The following EPS8 variants were observed in gnomAD, a reference collection of about 807,000 sequenced individuals.
EPS8 encodes the protein epidermal growth factor receptor kinase substrate 8.
A neutral mutation model predicts 103.8 loss-of-function variants in EPS8; 42 were observed. That is an observed-to-expected ratio of 0.40 (90% CI 0.32 to 0.52). The LOEUF (loss-of-function observed/expected upper bound fraction) is 0.52, where lower values mean the gene tolerates loss of function less well. EPS8 is among the 20% of genes least tolerant of loss of function. EPS8 has a pLI of 0.40. For missense variants in EPS8, 969 were observed against 1,005.1 expected (o/e 0.96, Z 0.49); for synonymous variants, 344 against 344.6 (o/e 1.00, Z 0.02).
rs1947300586 is a variant in EPS8, at chr12:15,785,293, T to G, written c.-22+3868A>C. Among the ~76,000 whole-genome samples the G allele has an allele frequency of 6.6e-6, 1 of 152,080 alleles. No homozygotes were observed. The highest frequency in any genetic ancestry group is 6.6e-5 in the Admixed American group (1 of 15,258). On this transcript the variant is annotated intron_variant, in intron 1 of 20. Coordinates refer to ENST00000281172, the MANE Select transcript of EPS8 (RefSeq NM_004447.6). The surrounding 1 kb of genome is among the most constrained non-coding windows in gnomAD (Gnocchi z 4.9). The stretch of plus-strand genomic sequence containing the variant: ...GTGAGACTAAAAGCAAAAGGAATAG[T>G]ACATAAACACTGTACTCTTGATGCT...
chr12:15,712,389 T>C (rs549259392), intron 1 of EPS8, among the ~76,000 whole-genome samples: 4 of 152,326 alleles, frequency 2.6e-5, no homozygotes, highest in African/African-American at 7.2e-5. Flanking sequence ...CAAATTTTCA[T>C]AGTACAACTA....
At position 15,654,309 on chromosome 12, in the gene EPS8, A is replaced by AT. The variant is rs748847045; in HGVS notation, c.1102-17dup. The stretch of plus-strand genomic sequence containing the variant: ...CCTGCACCACCTAAGATAATAAACC[A>AT]TTTTTTAGCAAGAAGATTACTATTC... On this transcript the variant is annotated splice_polypyrimidine_tract_variant and intron_variant, in intron 12 of 20. Coordinates refer to ENST00000281172, the MANE Select transcript of EPS8 (RefSeq NM_004447.6). 2.5e-6 allele frequency: 4 copies of AT among 1,609,122 alleles called. No homozygotes were observed. Among genetic ancestry groups the AT allele is most frequent in the South Asian group, 1.1e-5 (1 of 90,276 alleles).
At chr12:15,774,257 T>C (rs1947184355) in intron 1 of EPS8, among the ~76,000 whole-genome samples, 1 of 151,958 alleles carries the variant, frequency 6.6e-6, no homozygotes, top group African/African-American at 2.4e-5. Flanking sequence ...GGTGCCTGTA[T>C]GCTACACCTC....
At position 15,669,732 on chromosome 12, in the gene EPS8, C is replaced by T; in HGVS notation, c.298G>A (p.Val100Met). Reference protein sequence around the residue: ...KLKLLDAKGKVWTQDMILQVD... With the variant: ...KLKLLDAKGKMWTQDMILQVD... ...TGAAGAATCATATCTTGAGTCCACA[C>T]TTTGCCCTTGGCATCAAGCAATTTC... Residue 100 changes from valine to methionine, a missense_variant, in exon 5 of 21, where the codon GTG becomes ATG. By Grantham distance (21) the Val-to-Met change is conservative. Transcript: ENST00000281172. 1 of 1,613,856 alleles carries T rather than the reference C, an allele frequency of 6.2e-7. No homozygotes were observed. The highest frequency in any genetic ancestry group is 1.1e-5 in the South Asian group (1 of 91,022).
chr12:15,713,693 T>C lies in EPS8; in HGVS notation c.-21-30721A>G, dbSNP rs1321278475. Reference sequence around the variant, plus strand: ...GGCCCTGGGCACACGAGGTATAAAGTTGGTACTGAGATTCTTCCAGAAAAC... The same window carrying C: ...GGCCCTGGGCACACGAGGTATAAAGCTGGTACTGAGATTCTTCCAGAAAAC... On this transcript the variant is annotated intron_variant, in intron 1 of 20. Coordinates refer to ENST00000281172, the MANE Select transcript of EPS8 (RefSeq NM_004447.6). The surrounding 1 kb of genome is among the most constrained non-coding windows in gnomAD (Gnocchi z 4.8). Among the ~76,000 whole-genome samples, 1 of 152,156 alleles carries C rather than the reference T, an allele frequency of 6.6e-6. No individual in the cohort carries two copies. Among genetic ancestry groups the C allele is most frequent in the Non-Finnish European group, 1.5e-5 (1 of 68,020 alleles).
chr12:15,665,630 CA>C, intron 8 of EPS8, 125 bp downstream of exon 8: 1 of 1,188,654 alleles, frequency 8.4e-7, no homozygotes, highest in Non-Finnish European at 1.2e-6. Flanking sequence ...TGCGCCCGGC[CA>C]GAGTTGATTT....
chr12:15,737,717 T>C (rs879303706), intron 1 of EPS8, among the ~76,000 whole-genome samples: 1 of 152,162 alleles, frequency 6.6e-6, no homozygotes, highest in Non-Finnish European at 1.5e-5. Context: ...TATACCCAAA[T>C]ATTAAAAACT....
rs188677194 is a variant in EPS8 at position 15,677,413 on chromosome 12, C to T, written c.136+3813G>A. On this transcript the variant is annotated intron_variant, in intron 3 of 20. Coordinates refer to ENST00000281172, the MANE Select transcript of EPS8 (RefSeq NM_004447.6). ...CAGGAGGCCCACTATAGTGTCAGAC[C>T]TGAAAAGTGTTCTCATGAAAAACTC... Among the ~76,000 whole-genome samples the T allele has an allele frequency of 2.1e-4, 32 of 152,226 alleles. No individual in the cohort carries two copies. The East Asian group carries it at 5.8e-3, about 28-fold the overall frequency.
chr12:15,773,482 T>C (rs1317090850), intron 1 of EPS8, among the ~76,000 whole-genome samples: 2 of 151,690 alleles, frequency 1.3e-5, no homozygotes, highest in Middle Eastern at 3.4e-3. Context: ...TAAAGGGAGA[T>C]AGATACATGA....
intron 3 of EPS8, among the ~76,000 whole-genome samples, chr12:15,676,857 G>C (rs145174175): frequency 6.6e-6 from 1 of 152,192 alleles, no homozygotes; most frequent in African/African-American, 2.4e-5. Flanking sequence ...TTTAAAAATG[G>C]CAAAATCAAG....
intron 1 of EPS8, among the ~76,000 whole-genome samples, chr12:15,724,188 A>G (rs1435699105): frequency 6.6e-6 from 1 of 152,202 alleles, no homozygotes; most frequent in African/African-American, 2.4e-5. Context: ...TATAAGGTAT[A>G]TGTAAAATAT....
Position 15,774,425 on chromosome 12 carries a change from T to C in EPS8, c.-22+14736A>G, listed in dbSNP as rs1947186280. On this transcript the variant is annotated intron_variant, in intron 1 of 20. Transcript: ENST00000281172. ...AGGTAGACAGAACTTGGAAAATTAT[T>C]AGATCACAAGGTTGCCACAGGGACG... Among the ~76,000 whole-genome samples, 8 of 151,054 alleles carry C rather than the reference T, an allele frequency of 5.3e-5. No individual in the cohort carries two copies. In the South Asian group the frequency reaches 1.7e-3, roughly 32 times the overall value.
intron 1 of EPS8, among the ~76,000 whole-genome samples, chr12:15,730,256 A>G (rs1338053282): frequency 6.6e-6 from 1 of 152,236 alleles, no homozygotes; most frequent in Non-Finnish European, 1.5e-5. Flanking sequence ...TATGATAATC[A>G]TGATTTTACA....
Position 15,621,439 on chromosome 12 carries a change from TA to T in EPS8, c.2356-10del. 1 of 1,513,590 alleles carries T rather than the reference TA, an allele frequency of 6.6e-7. No individual in the cohort carries two copies. The highest frequency in any genetic ancestry group is 9.1e-7 in the Non-Finnish European group (1 of 1,096,292). 93.8% of individuals were successfully genotyped at this position (1,513,590 alleles called of 1,614,324 possible). On this transcript the variant is annotated splice_polypyrimidine_tract_variant and intron_variant, in intron 20 of 20. Transcript: ENST00000281172. Reference sequence around the variant, plus strand: ...GAGCTGCCACTGCTATCCTGAAAGATAAACAGTTCAGACAAGATAGTTACTG... The same window carrying T: ...GAGCTGCCACTGCTATCCTGAAAGATAACAGTTCAGACAAGATAGTTACTG...
chr12:15,626,479 A>T (rs559107206), intron 18 of EPS8, among the ~76,000 whole-genome samples: 1 of 152,054 alleles, frequency 6.6e-6, no homozygotes, highest in African/African-American at 2.4e-5. Context: ...AAATACAAAA[A>T]TTAGCTGGGC....
rs1268446994 is a variant in EPS8, at chr12:15,784,920, A to C, written c.-22+4241T>G. 6.6e-6 allele frequency among the ~76,000 whole-genome samples: 1 copy of C among 152,130 alleles called. No individual in the cohort carries two copies. The highest frequency in any genetic ancestry group is 1.5e-5 in the Non-Finnish European group (1 of 67,962). On this transcript the variant is annotated intron_variant, in intron 1 of 20. Transcript: ENST00000281172. This position sits in a 1 kb window ranked among gnomAD's most constrained non-coding sequence, Gnocchi z 4.0. ...ACATCTGGAAAAGGCAAAAGTAAAG[A>C]GACAGTAAAAAGATACGTGGTTTTC... is the stretch of plus-strand genomic sequence containing the variant.
Position 15,737,393 on chromosome 12 carries a change from T to C in EPS8, c.-22+51768A>G, listed in dbSNP as rs76243730. 8.0e-3 allele frequency among the ~76,000 whole-genome samples: 1,218 copies of C among 152,130 alleles called. 16 individuals are homozygous for C. The highest frequency in any genetic ancestry group is 0.027 in the African/African-American group (1,136 of 41,510). On this transcript the variant is annotated intron_variant, in intron 1 of 20. Coordinates refer to ENST00000281172, the MANE Select transcript of EPS8 (RefSeq NM_004447.6). Reference sequence around the variant, plus strand: ...ATACCAAAGGGAAGACTCTGTAACATAGATTAAAAATAAGCATCAGAAGTT... The same window carrying C: ...ATACCAAAGGGAAGACTCTGTAACACAGATTAAAAATAAGCATCAGAAGTT...
At position 15,787,661 on chromosome 12, in the gene EPS8, T is replaced by C. The variant is rs1487399688; in HGVS notation, c.-22+1500A>G. 6.6e-6 allele frequency among the ~76,000 whole-genome samples: 1 copy of C among 152,202 alleles called. No homozygotes were observed. Among genetic ancestry groups the C allele is most frequent in the Non-Finnish European group, 1.5e-5 (1 of 68,040 alleles). On this transcript the variant is annotated intron_variant, in intron 1 of 20. Transcript: ENST00000281172. The surrounding 1 kb of genome is among the most constrained non-coding windows in gnomAD (Gnocchi z 4.9). The stretch of plus-strand genomic sequence containing the variant: ...AGCAAATTATATTTTCCTTCTTTTT[T>C]TTCTGCTATAAAGTGAATGACTTGT...
In EPS8 at chr12:15,784,908, G is replaced by A. The variant is rs981789665; in HGVS notation, c.-22+4253C>T. 6.6e-6 allele frequency among the ~76,000 whole-genome samples: 1 copy of A among 152,092 alleles called. No homozygotes were observed. The highest frequency in any genetic ancestry group is 1.5e-5 in the Non-Finnish European group (1 of 67,972). ...TCCAATTATACAACATCTGGAAAAG[G>A]CAAAAGTAAAGAGACAGTAAAAAGA... On this transcript the variant is annotated intron_variant, in intron 1 of 20. Transcript: ENST00000281172. This position sits in a 1 kb window ranked among gnomAD's most constrained non-coding sequence, Gnocchi z 4.0.
Sources: gnomAD v4.1 joint callset for allele counts (sites outside exome capture counted in the v4.1 genomes callset) on GRCh38, gnomAD v4.1.1 for gene constraint, Gnocchi (gnomAD v3.1) non-coding constraint, MANE v1.5 for transcripts, NCBI Gene and HGNC (gene_info 2026-07-23, HGNC 2026-07-21) for gene names.